PCARE: variants seen among roughly 807,000 people sequenced by gnomAD.
PCARE encodes the protein uncharacterized protein C2orf71.
A neutral mutation model predicts 82.2 loss-of-function variants in PCARE; 72 were observed. That is an observed-to-expected ratio of 0.88 (90% CI 0.72 to 1.07). The LOEUF (loss-of-function observed/expected upper bound fraction) is 1.07, where lower values mean the gene tolerates loss of function less well. Ranked by LOEUF, PCARE falls within the 50% of genes least tolerant of loss-of-function variation. The pLI is 0.00. For missense variants in PCARE, 1,768 were observed against 1,592.4 expected (o/e 1.11, Z -1.88); for synonymous variants, 705 against 634.8 (o/e 1.11, Z -1.66).
Position 29,071,920 on chromosome 2 carries a change from GGCTTCGGATACAAAGGGGCAAGCC to G in PCARE, c.2318_2341del (p.Gly773_Pro781delinsAla), listed in dbSNP as rs1174100124. 1.9e-6 allele frequency: 3 copies of G among 1,614,166 alleles called. No individual in the cohort carries two copies. In the South Asian group the frequency reaches 3.3e-5, roughly 18 times the overall value. ...TCTGCCTGATGCTGGAGAAATTTGG[GGCTTCGGATACAAAGGGGCAAGCC>G]CTGTGTACTTGGGAAATCTGGGGGG... is the stretch of plus-strand genomic sequence containing the variant. On this transcript the variant is annotated inframe_deletion, in exon 1 of 2. Coordinates refer to ENST00000331664, the MANE Select transcript of PCARE (RefSeq NM_001029883.3).
In PCARE at chr2:29,065,060, C is replaced by CACT. The variant is rs1553353627; in HGVS notation, c.3675_3676insAGT (p.Ser1225dup). ...TCTGTGTCCTTCTTAGGGCTCTCCT[C>CACT]GCTGCTGCTGCCGAGAGAAAGGACA... On this transcript the variant is annotated inframe_insertion, in exon 2 of 2. Transcript: ENST00000331664. 8 of 1,549,624 alleles carry CACT rather than the reference C, an allele frequency of 5.2e-6. No homozygotes were observed. In the Admixed American group the frequency reaches 5.9e-5, roughly 11 times the overall value.
chr2:29,067,733 C>T (rs554178915), intron 1 of PCARE, among the ~76,000 whole-genome samples: 3 of 152,238 alleles, frequency 2.0e-5, no homozygotes, highest in East Asian at 1.9e-4. Context: ...TTAGTAGAGA[C>T]GGGGTTTTAC....
chr2:29,072,253 A>C lies in PCARE; in HGVS notation c.2009T>G (p.Leu670Arg). ...SNTTSRLKASLTKNFSILPSQ... is the reference protein window; with the variant it reads ...SNTTSRLKASRTKNFSILPSQ... ...AGGCAAAATACTGAAGTTCTTGGTG[A>C]GGGATGCCTTGAGCCTGCTGGTGGT... The change falls in exon 1 of 2, where the codon CTC (leucine) becomes CGC (arginine). Residue 670 changes from leucine (L) to arginine (R), a missense_variant. Transcript: ENST00000331664. The C allele has an allele frequency of 1.2e-6, 2 of 1,614,182 alleles. No homozygotes were observed. The highest frequency in any genetic ancestry group is 1.7e-6 in the Non-Finnish European group (2 of 1,180,040).
rs200817926 is a variant in PCARE, at chr2:29,071,459, C to T, written c.2803G>A (p.Glu935Lys). 160 of 1,612,664 alleles carry T rather than the reference C, an allele frequency of 9.9e-5. No homozygotes were observed. The East Asian group carries it at 1.6e-3, about 16-fold the overall frequency. The change falls in exon 1 of 2, where the codon GAG becomes AAG. Residue 935 changes from glutamate to lysine, a missense_variant. Transcript: ENST00000331664. ...TGACTCCAAGTCCCACCCTTCACCT[C>T]GGGGCTTTGGCTGGTGGCTGGTGGG... is the stretch of plus-strand genomic sequence containing the variant. ...SSPPATSQSP[E>K]VKGGTWSQAE...
chr2:29,071,221 G>C lies in PCARE; in HGVS notation c.3041C>G (p.Ser1014Cys). The change falls in exon 1 of 2, where the codon TCC (serine) becomes TGC (cysteine). Residue 1014 changes from serine (S) to cysteine (C), a missense_variant. Coordinates refer to ENST00000331664, the MANE Select transcript of PCARE (RefSeq NM_001029883.3). ...GCTTGGCTGGGCAGGTCTGTAAGAG[G>C]AGGGAAGGCTCCGGCGCCTCTTGTC... ...QADKRRRSLP[S>C]SYRPAQPSPS... is the part of the protein sequence containing the mutation. 6.2e-7 allele frequency: 1 copy of C among 1,609,486 alleles called. No homozygotes were observed. The highest frequency in any genetic ancestry group is 1.1e-5 in the South Asian group (1 of 90,562).
chr2:29,065,138 C>T, intron 1 of PCARE, 71 bp from the exon 2 acceptor site: 1 of 1,486,228 alleles, frequency 6.7e-7, no homozygotes, highest in Non-Finnish European at 9.1e-7. Context: ...CACCCCTGTC[C>T]TCCATTCTCC....
In PCARE at chr2:29,073,397, T is replaced by C. The variant is rs765893472; in HGVS notation, c.865A>G (p.Thr289Ala). The C allele has an allele frequency of 6.2e-7, 1 of 1,613,908 alleles. No homozygotes were observed. Among genetic ancestry groups the C allele is most frequent in the Non-Finnish European group, 8.5e-7 (1 of 1,180,036 alleles). Residue 289 changes from threonine to alanine, a missense_variant, in exon 1 of 2, where the codon ACC becomes GCC. Thr to Ala is a moderately conservative substitution (Grantham distance 58, BLOSUM62 0). Coordinates refer to ENST00000331664, the MANE Select transcript of PCARE (RefSeq NM_001029883.3). ...CTGGAGCCCTCCAGGAAGCTGCCGG[T>C]GAGCGAGGCCACTGTGCCATTGAGC... ...QVLNGTVASL[T>A]GSFLEGSSSY...
intron 1 of PCARE, among the ~76,000 whole-genome samples, chr2:29,065,910 T>G (rs34529686): frequency 0.29 from 43,550 of 151,848 alleles, 6,600 homozygotes; most frequent in East Asian, 0.48. Context: ...ACTTTGAGAG[T>G]CCTAGGAGGG....
chr2:29,070,515 A>G, intron 1 of PCARE, 79 bp downstream of exon 1: 1 of 1,584,250 alleles, frequency 6.3e-7, no homozygotes. Flanking sequence ...ACTGAGACCC[A>G]GAAGATCTTT....
Position 29,072,877 on chromosome 2 carries a change from C to T in PCARE, c.1385G>A (p.Gly462Glu), listed in dbSNP as rs372820770. 59 of 1,614,152 alleles carry T rather than the reference C, an allele frequency of 3.7e-5. No homozygotes were observed. The highest frequency in any genetic ancestry group is 4.7e-5 in the Non-Finnish European group (56 of 1,180,022). ...GGAAAGGTGTGGTTCCACAGAGACC[C>T]CAATCCCAAAGGAATCACATGGGGT... ...TSTPCDSFGIGVSVEPHLSKT... is the reference protein window; with the variant it reads ...TSTPCDSFGIEVSVEPHLSKT... The change falls in exon 1 of 2, where the codon GGG becomes GAG. Residue 462 changes from glycine (G) to glutamate (E), a missense_variant. Physicochemically the swap from Gly to Glu is moderately conservative, Grantham distance 98 (BLOSUM62 -2). Coordinates refer to ENST00000331664, the MANE Select transcript of PCARE (RefSeq NM_001029883.3).
rs1266893436 is a variant in PCARE at position 29,072,148 on chromosome 2, G to A, written c.2114C>T (p.Ala705Val). ...CTCACTGACCTCTCCTGATGGGATGGCATTTGGAAGCTTCCCAGCTTTGCC... is the reference window on the plus strand; with the variant it reads ...CTCACTGACCTCTCCTGATGGGATGACATTTGGAAGCTTCCCAGCTTTGCC... Reference protein sequence around the residue: ...EQGKAGKLPNAIPSGEVSEAA... With the variant: ...EQGKAGKLPNVIPSGEVSEAA... Residue 705 changes from alanine (A) to valine (V), a missense_variant, in exon 1 of 2, where the codon GCC (alanine) becomes GTC (valine). By Grantham distance (64) the Ala-to-Val change is moderately conservative. Transcript: ENST00000331664. 9 of 1,614,102 alleles carry A rather than the reference G, an allele frequency of 5.6e-6. No individual in the cohort carries two copies. Among genetic ancestry groups the A allele is most frequent in the Non-Finnish European group, 7.6e-6 (9 of 1,180,052 alleles).
Position 29,074,158 on chromosome 2 carries a change from C to G in PCARE, c.104G>C (p.Gly35Ala), listed in dbSNP as rs1667547606. 6.2e-7 allele frequency: 1 copy of G among 1,611,446 alleles called. No individual in the cohort carries two copies. The highest frequency in any genetic ancestry group is 1.7e-5 in the Admixed American group (1 of 59,826). The change falls in exon 1 of 2, where the codon GGA (glycine) becomes GCA (alanine). Residue 35 changes from glycine to alanine, a missense_variant. By Grantham distance (60) the Gly-to-Ala change is moderately conservative (BLOSUM62 0). Coordinates refer to ENST00000331664, the MANE Select transcript of PCARE (RefSeq NM_001029883.3). ...PKAIRPGCQG[G>A]SERGSIPLLV... ...CAAAGGGATGGAACCTCTTTCACTT[C>G]CGCCCTGACATCCTGGCCGAATTGC...
rs1667498926 is a variant in PCARE, at chr2:29,072,059, T to A, written c.2203A>T (p.Ile735Phe). 3.7e-6 allele frequency: 6 copies of A among 1,614,118 alleles called. No homozygotes were observed. Among genetic ancestry groups the A allele is most frequent in the Middle Eastern group, 3.3e-4 (2 of 6,084 alleles). The change falls in exon 1 of 2, where the codon ATT (isoleucine) becomes TTT (phenylalanine). Residue 735 changes from isoleucine to phenylalanine, a missense_variant. Coordinates refer to ENST00000331664, the MANE Select transcript of PCARE (RefSeq NM_001029883.3). The stretch of plus-strand genomic sequence containing the variant: ...CTCTCCGTGGGACTGAAAGTTTCAA[T>A]AAGCTTCTTGACGGATGTTCTGGTG... ...CPTRTSVKKL[I>F]ETFSPTESLR... is the part of the protein sequence containing the mutation.
chr2:29,067,810 G>T (rs1213525050), intron 1 of PCARE, among the ~76,000 whole-genome samples: 2 of 152,174 alleles, frequency 1.3e-5, no homozygotes, highest in Non-Finnish European at 2.9e-5. Context: ...CTCCCAAAGT[G>T]CTGGGATTAC....
rs574490498 is a variant in PCARE, at chr2:29,073,314, A to T, written c.948T>A (p.Asn316Lys). ...HLENKLSTKR[N>K]VDERLLRALR... Reference sequence around the variant, plus strand: ...GAGCCCTCAGGAGGCGTTCATCCACATTCCTTTTTGTGCTCAGCTTATTTT... The same window carrying T: ...GAGCCCTCAGGAGGCGTTCATCCACTTTCCTTTTTGTGCTCAGCTTATTTT... Residue 316 changes from asparagine (N) to lysine (K), a missense_variant, in exon 1 of 2, where the codon AAT becomes AAA. Asn to Lys is a moderately conservative substitution (Grantham distance 94). Coordinates refer to ENST00000331664, the MANE Select transcript of PCARE (RefSeq NM_001029883.3). 1 of 1,613,996 alleles carries T rather than the reference A, an allele frequency of 6.2e-7. No homozygotes were observed.
Position 29,073,988 on chromosome 2 carries a change from G to T in PCARE, c.274C>A (p.Leu92Met), listed in dbSNP as rs752651651. ...ASGKRKDMEGLIPGTKTSSSQ... is the reference protein window; with the variant it reads ...ASGKRKDMEGMIPGTKTSSSQ... The stretch of plus-strand genomic sequence containing the variant: ...GAAGAGGTTTTGGTTCCTGGGATCA[G>T]TCCTTCCATATCTTTCCTTTTGCCT... Residue 92 changes from leucine to methionine, a missense_variant, in exon 1 of 2, where the codon CTG (leucine) becomes ATG (methionine). Physicochemically the swap from Leu to Met is conservative, Grantham distance 15. Coordinates refer to ENST00000331664, the MANE Select transcript of PCARE (RefSeq NM_001029883.3). 6.8e-6 allele frequency: 11 copies of T among 1,614,078 alleles called. No individual in the cohort carries two copies. The African/African-American group carries it at 1.1e-4, about 16-fold the overall frequency.
chr2:29,068,713 C>T (rs9808367), intron 1 of PCARE, among the ~76,000 whole-genome samples: 7,565 of 152,242 alleles, frequency 0.05, 598 homozygotes, highest in African/African-American at 0.16. Context: ...ATGACATGCA[C>T]GTCCATTGCC....
In PCARE at chr2:29,071,924, T is replaced by G. The variant is rs1174897871; in HGVS notation, c.2338A>C (p.Lys780Gln). 2 of 1,614,048 alleles carry G rather than the reference T, an allele frequency of 1.2e-6. No individual in the cohort carries two copies. The highest frequency in any genetic ancestry group is 4.5e-5 in the East Asian group (2 of 44,896). The stretch of plus-strand genomic sequence containing the variant: ...CCTGATGCTGGAGAAATTTGGGGCT[T>G]CGGATACAAAGGGGCAAGCCCTGTG... Reference protein sequence around the residue: ...KYTGLAPLYPKPQISPASGRE... With the variant: ...KYTGLAPLYPQPQISPASGRE... The change falls in exon 1 of 2, where the codon AAG (lysine) becomes CAG (glutamine). Residue 780 changes from lysine (K) to glutamine (Q), a missense_variant. Transcript: ENST00000331664.
intron 1 of PCARE, among the ~76,000 whole-genome samples, chr2:29,067,020 G>T (rs1339082952): frequency 6.6e-6 from 1 of 152,136 alleles, no homozygotes; most frequent in African/African-American, 2.4e-5. Flanking sequence ...CAATCCCCAG[G>T]TCCCCAAGAT....
Sources: gnomAD v4.1 joint callset for allele counts (sites outside exome capture counted in the v4.1 genomes callset) on GRCh38, gnomAD v4.1.1 for gene constraint, MANE v1.5 for transcripts, NCBI Gene and HGNC (gene_info 2026-07-23, HGNC 2026-07-21) for gene names.